Variants in LRRC43 observed in about 807,000 individuals in gnomAD.
The protein encoded by LRRC43 is leucine-rich repeat-containing protein 43.
In LRRC43, 62 loss-of-function variants were observed where a neutral mutation model predicts 64.3. The observed-to-expected ratio is 0.96, with a 90% CI of 0.79 to 1.19. LRRC43 has a LOEUF of 1.19. Among genes scored for constraint, LRRC43 ranks in the 50% most tolerant of loss-of-function variants. The probability of loss-of-function intolerance (pLI) is 0.00; values close to 1 mark genes in which losing one functional copy is unlikely to be tolerated. For synonymous variants in LRRC43, 422 were observed against 382.3 expected (o/e 1.10, Z -1.21); for missense variants, 868 against 845.0 (o/e 1.03, Z -0.34).
chr12:122,178,192 A>G (rs1025010830), upstream of LRRC43, among the ~76,000 whole-genome samples: 3 of 136,968 alleles, frequency 2.2e-5, no homozygotes, highest in Non-Finnish European at 3.1e-5. Flanking sequence ...GCAATAGAGA[A>G]CTAATACAGT....
At chr12:122,183,444 G>C in intron 1 of LRRC43, 150 bp downstream of exon 1, 1 of 935,390 alleles carries the variant, frequency 1.1e-6, no homozygotes, top group Admixed American at 4.2e-5. Flanking sequence ...TGAGGGTGAC[G>C]GTGGGGCCCG....
chr12:122,192,148 G>C (rs139365657), intron 6 of LRRC43, among the ~76,000 whole-genome samples: 110 of 151,068 alleles, frequency 7.3e-4, no homozygotes, highest in Middle Eastern at 6.9e-3. Flanking sequence ...TCTTTTTTGT[G>C]TGTGTGTGTG....
intron 1 of LRRC43, among the ~76,000 whole-genome samples, chr12:122,170,406 C>T (rs1045219791): frequency 3.3e-5 from 5 of 151,960 alleles, no homozygotes; most frequent in African/African-American, 4.8e-5. Flanking sequence ...CCAAGGCAGG[C>T]GGATCACAAG....
chr12:122,199,575 C>A (rs1220378359), intron 7 of LRRC43, among the ~76,000 whole-genome samples: 3 of 151,810 alleles, frequency 2.0e-5, no homozygotes, highest in Non-Finnish European at 4.4e-5. Context: ...AGTCACCCTG[C>A]CCGGCCTCTG....
At chr12:122,189,880 G>A (rs1953694154) in intron 4 of LRRC43, among the ~76,000 whole-genome samples, 1 of 152,272 alleles carries the variant, frequency 6.6e-6, no homozygotes. Flanking sequence ...GAGGAGCCCC[G>A]TGAAGGGAGG....
intron 1 of LRRC43, among the ~76,000 whole-genome samples, chr12:122,171,755 G>A (rs964895353): frequency 6.6e-6 from 1 of 151,378 alleles, no homozygotes; most frequent in Middle Eastern, 3.2e-3. Context: ...TTTAAATAGA[G>A]ATGGGGTCTC....
chr12:122,175,652 A>C (rs1203276986), intron 1 of LRRC43, among the ~76,000 whole-genome samples: 4 of 151,466 alleles, frequency 2.6e-5, no homozygotes, highest in African/African-American at 9.7e-5. Flanking sequence ...CACAGGCACA[A>C]ATCACTATGC....
At chr12:122,199,730 T>A (rs915963531) in intron 7 of LRRC43, among the ~76,000 whole-genome samples, 3 of 151,506 alleles carry the variant, frequency 2.0e-5, no homozygotes, top group Non-Finnish European at 4.4e-5. Flanking sequence ...ACTGCAGCCA[T>A]GTGCCACCAC....
At chr12:122,193,033 G>T (rs1230050689) in intron 7 of LRRC43, 29 bp downstream of exon 7, 1 of 1,610,500 alleles carries the variant, frequency 6.2e-7, no homozygotes, top group African/African-American at 1.3e-5. Flanking sequence ...ACCAGGGCAA[G>T]TGGTCAGAGC....
chr12:122,199,923 G>A (rs763071368), intron 7 of LRRC43, among the ~76,000 whole-genome samples: 19 of 152,272 alleles, frequency 1.2e-4, no homozygotes, highest in East Asian at 7.7e-4. Flanking sequence ...GCTGCCTTTC[G>A]GTTGGTTTCT....
upstream of LRRC43, among the ~76,000 whole-genome samples, chr12:122,179,957 G>A (rs1953567710): frequency 7.3e-6 from 1 of 136,192 alleles, no homozygotes; most frequent in African/African-American, 2.8e-5. Context: ...GTGACAGAGT[G>A]AGACTCCGTC....
intron 6 of LRRC43, 110 bp from the exon 7 acceptor site, chr12:122,192,635 A>G: frequency 1.6e-6 from 2 of 1,283,812 alleles, no homozygotes; most frequent in Non-Finnish European, 2.2e-6. Context: ...GTGTCTGCTC[A>G]TGCGTGAACC....
At chr12:122,181,756 T>C (rs1319543941), upstream of LRRC43, among the ~76,000 whole-genome samples, 15 of 150,512 alleles carry the variant, frequency 1.0e-4, no homozygotes, top group African/African-American at 3.7e-4. Context: ...TAGGCATGTG[T>C]CACCACGCCT....
Position 122,190,268 on chromosome 12 carries a change from C to A in LRRC43, c.801C>A (p.Arg267=). 1 of 1,614,188 alleles carries A rather than the reference C, an allele frequency of 6.2e-7. No individual in the cohort carries two copies. ...CACTGGCCTTGGTGCCCTACTACCG[C>A]GGCCTCACCATCGACAGCCTGGCCC... ...GNPLALVPYY[R]GLTIDSLAQL... Residue 267 remains arginine, a synonymous_variant, in exon 5 of 12, where the codon CGC becomes CGA. Transcript: ENST00000339777.
chr12:122,190,386 C>G lies in LRRC43; in HGVS notation c.901+18C>G. On this transcript the variant is annotated intron_variant, in intron 5 of 11. Transcript: ENST00000339777. ...CAATGGCGGTGAGGGTACTGGCATG[C>G]AGGGAGGGGGTGGCATGTGACACCC... 6.3e-7 allele frequency: 1 copy of G among 1,592,378 alleles called. No homozygotes were observed. Among genetic ancestry groups the G allele is most frequent in the Non-Finnish European group, 8.6e-7 (1 of 1,162,584 alleles).
chr12:122,190,593 T>C (rs907063003), intron 5 of LRRC43, among the ~76,000 whole-genome samples: 1 of 152,196 alleles, frequency 6.6e-6, no homozygotes, highest in Admixed American at 6.5e-5. Context: ...CCGGGCGCGG[T>C]GGCTAACGCC....
chr12:122,191,354 CCT>C (rs748046254), intron 5 of LRRC43, 24 bp from the exon 6 acceptor site: 1 of 1,587,998 alleles, frequency 6.3e-7, no homozygotes, highest in South Asian at 1.1e-5. Context: ...CATGGGCCCC[CCT>C]GTCCTGCCCA....
chr12:122,183,534 C>T (rs1271377761), intron 1 of LRRC43, among the ~76,000 whole-genome samples: 1 of 152,184 alleles, frequency 6.6e-6, no homozygotes, highest in African/African-American at 2.4e-5. Context: ...CTCTCCCTGA[C>T]TTGAAGACGT....
intron 7 of LRRC43, among the ~76,000 whole-genome samples, chr12:122,199,459 T>G (rs770161335): frequency 6.6e-6 from 1 of 151,866 alleles, no homozygotes. Context: ...ATTTTTTGTA[T>G]TTTTAGTAGA....
Sources: gnomAD v4.1 joint callset for allele counts (sites outside exome capture counted in the v4.1 genomes callset) on GRCh38, gnomAD v4.1.1 for gene constraint, MANE v1.5 for transcripts, NCBI Gene and HGNC (gene_info 2026-07-23, HGNC 2026-07-21) for gene names.